The following LRRC3B variants were observed in gnomAD, a reference collection of about 807,000 sequenced individuals.
LRRC3B encodes leucine rich repeat containing 3B, also known as leucine-rich repeat-containing protein 3B.
Under a neutral mutation model 12.8 loss-of-function variants are expected in LRRC3B, and 2 were observed. The observed-to-expected ratio is 0.16, with a 90% CI of 0.06 to 0.49. LRRC3B has a LOEUF of 0.49. Among genes scored for constraint, LRRC3B ranks in the 20% least tolerant of loss-of-function variants. The pLI, the probability that LRRC3B is intolerant of heterozygous loss-of-function variation, is 0.96. For synonymous variants in LRRC3B, 132 were observed against 122.0 expected, an observed-to-expected ratio of 1.08 and a Z score of -0.54; for missense variants, 189 against 319.4, an observed-to-expected ratio of 0.59 and a Z score of 3.11.
intron 1 of LRRC3B, among the ~76,000 whole-genome samples, chr3:26,665,337 C>A (rs1207288628): frequency 6.6e-6 from 1 of 152,150 alleles, no homozygotes; most frequent in Non-Finnish European, 1.5e-5. Context: ...ATTGAAAAAT[C>A]ACATTTACTA....
At chr3:26,701,139 A>G (rs1700443391) in intron 1 of LRRC3B, 1 of 152,186 alleles carries the variant, frequency 6.6e-6, no homozygotes, top group Non-Finnish European at 1.5e-5. Context: ...ATTAATCATG[A>G]TCATTTAAAT....
At chr3:26,657,590 A>G (rs1575133883) in intron 1 of LRRC3B, among the ~76,000 whole-genome samples, 1 of 152,296 alleles carries the variant, frequency 6.6e-6, no homozygotes, top group East Asian at 1.9e-4. Flanking sequence ...TAGTCATTTA[A>G]AAAGTCCATG....
intron 1 of LRRC3B, among the ~76,000 whole-genome samples, chr3:26,701,782 C>CTGTT (rs1700461813): frequency 6.6e-6 from 1 of 152,078 alleles, no homozygotes; most frequent in African/African-American, 2.4e-5. Context: ...TACCTCTTGA[C>CTGTT]TGTTTTACTT....
chr3:26,660,703 G>A (rs1699474533), intron 1 of LRRC3B, among the ~76,000 whole-genome samples: 2 of 152,078 alleles, frequency 1.3e-5, no homozygotes, highest in African/African-American at 2.4e-5. Flanking sequence ...ATATCTAGAT[G>A]TATATTACTG....
chr3:26,678,364 C>T (rs1025699044), intron 1 of LRRC3B, among the ~76,000 whole-genome samples: 3 of 152,032 alleles, frequency 2.0e-5, no homozygotes, highest in African/African-American at 7.2e-5. Flanking sequence ...TGTGGTGGCA[C>T]ATGCCTGTAA....
At chr3:26,706,989 G>T (rs1473491137) in intron 1 of LRRC3B, among the ~76,000 whole-genome samples, 1 of 152,168 alleles carries the variant, frequency 6.6e-6, no homozygotes, top group Non-Finnish European at 1.5e-5. Context: ...TATGCTGGGT[G>T]TTGGGAATGT....
intron 1 of LRRC3B, among the ~76,000 whole-genome samples, chr3:26,698,055 C>G (rs1700362644): frequency 6.6e-6 from 1 of 152,008 alleles, no homozygotes; most frequent in African/African-American, 2.4e-5. Flanking sequence ...AGAGAGAAGA[C>G]AAGGTGTAAG....
chr3:26,694,320 T>A (rs2125452017), intron 1 of LRRC3B, among the ~76,000 whole-genome samples: 1 of 152,308 alleles, frequency 6.6e-6, no homozygotes, highest in South Asian at 2.1e-4. Flanking sequence ...TTTGGGACAA[T>A]CTGGGTTAAT....
chr3:26,694,304 A>T (rs1322650693), intron 1 of LRRC3B, among the ~76,000 whole-genome samples: 1 of 152,214 alleles, frequency 6.6e-6, no homozygotes, highest in East Asian at 1.9e-4. Flanking sequence ...CAGGGAGCCA[A>T]ATATATTTGG....
chr3:26,655,639 G>C (rs1186448267), intron 1 of LRRC3B, among the ~76,000 whole-genome samples: 1 of 152,086 alleles, frequency 6.6e-6, no homozygotes, highest in African/African-American at 2.4e-5. Flanking sequence ...ATCTTTCATA[G>C]ATGTGCCCTT....
chr3:26,699,691 A>G (rs1700406673), intron 1 of LRRC3B, among the ~76,000 whole-genome samples: 1 of 152,214 alleles, frequency 6.6e-6, no homozygotes, highest in East Asian at 1.9e-4. Context: ...GACTCTGGTG[A>G]ATCTTGAGAG....
intron 1 of LRRC3B, among the ~76,000 whole-genome samples, chr3:26,700,647 T>C (rs909157270): frequency 6.6e-6 from 1 of 152,204 alleles, no homozygotes; most frequent in African/African-American, 2.4e-5. Context: ...CTTGGAAGTA[T>C]ACTTCCCTTA....
intron 1 of LRRC3B, among the ~76,000 whole-genome samples, chr3:26,638,830 T>C (rs765571263): frequency 1.1e-4 from 16 of 152,146 alleles, no homozygotes; most frequent in Non-Finnish European, 2.1e-4. Flanking sequence ...TGAGCCAAAG[T>C]CAATTGAAGT....
rs78518789 is a variant in LRRC3B, at chr3:26,664,502, A to C, written c.-161+41265A>C. Among the ~76,000 whole-genome samples, 911 of 152,192 alleles carry C rather than the reference A, an allele frequency of 6.0e-3. 4 individuals carry two copies. Among genetic ancestry groups the C allele is most frequent in the Non-Finnish European group, 0.01 (713 of 67,996 alleles). ...ATGTGATGCCAGATCACCAGACTGT[A>C]AACAATAAAGTTGAGGTTTTCATGA... On this transcript the variant is annotated intron_variant, in intron 1 of 1. Transcript: ENST00000396641.
chr3:26,637,282 A>T (rs578260704), intron 1 of LRRC3B, among the ~76,000 whole-genome samples: 1 of 152,172 alleles, frequency 6.6e-6, no homozygotes, highest in African/African-American at 2.4e-5. Context: ...AGAATAATTC[A>T]CTTTTCATAT....
At chr3:26,640,438 A>C (rs1003741580) in intron 1 of LRRC3B, among the ~76,000 whole-genome samples, 6 of 141,574 alleles carry the variant, frequency 4.2e-5, no homozygotes, top group African/African-American at 1.4e-4. Context: ...AAAAAAAAAA[A>C]AAAACCCAAA....
chr3:26,689,548 A>C (rs1193179498), intron 1 of LRRC3B, among the ~76,000 whole-genome samples: 1 of 152,164 alleles, frequency 6.6e-6, no homozygotes, highest in African/African-American at 2.4e-5. Flanking sequence ...CAATGTGAGA[A>C]GCTTCCTCCT....
intron 1 of LRRC3B, among the ~76,000 whole-genome samples, chr3:26,690,279 C>T (rs1309284613): frequency 6.6e-6 from 1 of 152,120 alleles, no homozygotes; most frequent in African/African-American, 2.4e-5. Context: ...TGAAGATTTA[C>T]ATTATCTTGT....
At chr3:26,670,456 T>C (rs926550435) in intron 1 of LRRC3B, among the ~76,000 whole-genome samples, 2 of 152,226 alleles carry the variant, frequency 1.3e-5, no homozygotes, top group South Asian at 2.1e-4. Flanking sequence ...CTACCACTTA[T>C]ATCTTCGGGG....
Sources: allele counts gnomAD v4.1 joint callset (sites outside exome capture counted in the v4.1 genomes callset), GRCh38; gene constraint gnomAD v4.1.1; transcripts MANE v1.5; gene names NCBI Gene and HGNC (gene_info 2026-07-23, HGNC 2026-07-21).